Variants in CXCL10 observed in about 807,000 individuals in gnomAD.
The protein encoded by CXCL10 is C-X-C motif chemokine 10.
Under a neutral mutation model 10.8 loss-of-function variants are expected in CXCL10, and 6 were observed. The ratio of observed to expected loss-of-function variants is 0.55; its 90% CI spans 0.30 to 1.09. CXCL10 has a LOEUF of 1.09. CXCL10 is among the 50% of genes least tolerant of loss of function. The pLI is 0.06. For missense variants in CXCL10, 114 were observed against 114.3 expected, an observed-to-expected ratio of 1.00 and a Z score of 0.01; for synonymous variants, 35 against 35.8, an observed-to-expected ratio of 0.98 and a Z score of 0.08.
intron 3 of CXCL10, 30 bp from the exon 4 acceptor site, chr4:76,021,978 GT>G: frequency 6.3e-7 from 1 of 1,591,366 alleles, no homozygotes; most frequent in Non-Finnish European, 8.6e-7. Context: ...ATATAAAAGT[GT>G]GATAGTCTGA....
chr4:76,023,285 A>T, intron 1 of CXCL10, 86 bp downstream of exon 1: 1 of 1,076,336 alleles, frequency 9.3e-7, no homozygotes, highest in Non-Finnish European at 1.4e-6. Context: ...TGAAACTTTT[A>T]CAAATACATT....
intron 3 of CXCL10, 99 bp from the exon 4 acceptor site, chr4:76,022,047 G>T: frequency 8.8e-7 from 1 of 1,131,940 alleles, no homozygotes; most frequent in South Asian, 1.2e-5. Context: ...ATAGATAACT[G>T]AGCTTTCCTG....
chr4:76,022,611 CT>C (rs11298565), intron 2 of CXCL10, 79 bp downstream of exon 2: 826,411 of 1,489,768 alleles, frequency 0.55, 237,763 homozygotes, highest in East Asian at 0.93. Context: ...CTTTACTGAT[CT>C]TTTTTTATTA....
chr4:76,021,887 T>A lies in CXCL10; in HGVS notation c.*43A>T, dbSNP rs751103662. On this transcript the variant is annotated 3_prime_UTR_variant, in exon 4 of 4. Coordinates refer to ENST00000306602, the MANE Select transcript of CXCL10 (RefSeq NM_001565.4). ...GATGGGAGAGGCAGCCTCTGTGTGG[T>A]CCATCCTTGGAAGCACTGCATCGAT... is the stretch of plus-strand genomic sequence containing the variant. 33 of 1,585,972 alleles carry A rather than the reference T, an allele frequency of 2.1e-5. No individual in the cohort carries two copies. Among genetic ancestry groups the A allele is most frequent in the Non-Finnish European group, 2.6e-6 (3 of 1,154,628 alleles).
chr4:76,021,857 G>A lies in CXCL10; in HGVS notation c.*73C>T. 1.5e-6 allele frequency: 2 copies of A among 1,355,946 alleles called. No individual in the cohort carries two copies. The highest frequency in any genetic ancestry group is 3.4e-5 in the Admixed American group (2 of 59,596). 84.0% of individuals were successfully genotyped at this position (1,355,946 alleles called of 1,614,324 possible). ...TGGCTTGACATATACTCCATGTAGG[G>A]AAGTGATGGGAGAGGCAGCCTCTGT... On this transcript the variant is annotated 3_prime_UTR_variant, in exon 4 of 4. Coordinates refer to ENST00000306602, the MANE Select transcript of CXCL10 (RefSeq NM_001565.4).
At chr4:76,022,527 C>T in intron 2 of CXCL10, 72 bp from the exon 3 acceptor site, 1 of 1,507,628 alleles carries the variant, frequency 6.6e-7, no homozygotes. Flanking sequence ...ATACGCAGTT[C>T]TGAAGTCAGA....
chr4:76,023,036 T>G (rs1437916901), intron 1 of CXCL10, among the ~76,000 whole-genome samples: 3 of 152,194 alleles, frequency 2.0e-5, no homozygotes, highest in Non-Finnish European at 2.9e-5. Context: ...AGTCAAACCC[T>G]TAAGCACAGT....
In CXCL10 at chr4:76,023,354, C is replaced by T; in HGVS notation, c.61+17G>A. 9 of 1,588,262 alleles carry T rather than the reference C, an allele frequency of 5.7e-6. No individual in the cohort carries two copies. Among genetic ancestry groups the T allele is most frequent in the Non-Finnish European group, 7.8e-6 (9 of 1,156,550 alleles). ...ATTTCTCATTTTACAAATTAAGTATCCTTTGATGTTCCTTACCTTGAATGC... is the reference window on the plus strand; with the variant it reads ...ATTTCTCATTTTACAAATTAAGTATTCTTTGATGTTCCTTACCTTGAATGC... On this transcript the variant is annotated intron_variant, in intron 1 of 3. Coordinates refer to ENST00000306602, the MANE Select transcript of CXCL10 (RefSeq NM_001565.4).
intron 3 of CXCL10, 27 bp downstream of exon 3, chr4:76,022,339 T>G (rs1560577384): frequency 6.3e-7 from 1 of 1,588,694 alleles, no homozygotes; most frequent in Non-Finnish European, 8.6e-7. Context: ...TAAAGAGCAA[T>G]TCTTCTGCAG....
chr4:76,021,811 A>T lies in CXCL10; in HGVS notation c.*119T>A. The T allele has an allele frequency of 1.0e-6, 1 of 988,502 alleles. No homozygotes were observed. The highest frequency in any genetic ancestry group is 1.6e-6 in the Non-Finnish European group (1 of 620,848). 61.2% of individuals were successfully genotyped at this position (988,502 alleles called of 1,614,324 possible). A position where few individuals can be genotyped will look rare whatever the true frequency, so the allele number is the denominator to read the frequency against. ...CCATCATTGGTCACCTTTTAGTGTA[A>T]CTGCAAACTAAGAACAATTATGGCT... On this transcript the variant is annotated 3_prime_UTR_variant, in exon 4 of 4. Coordinates refer to ENST00000306602, the MANE Select transcript of CXCL10 (RefSeq NM_001565.4).
At chr4:76,022,661 G>T in intron 2 of CXCL10, 30 bp downstream of exon 2, 1 of 1,607,652 alleles carries the variant, frequency 6.2e-7, no homozygotes, top group Non-Finnish European at 8.5e-7. Flanking sequence ...TACAACCAGG[G>T]AAGTGATAAT....
At chr4:76,022,543 A>G (rs1445809599) in intron 2 of CXCL10, 88 bp from the exon 3 acceptor site, 1 of 1,487,880 alleles carries the variant, frequency 6.7e-7, no homozygotes, top group Non-Finnish European at 9.3e-7. Context: ...TCAGACATTT[A>G]AGTTTCACTC....
At chr4:76,022,868 G>T in intron 1 of CXCL10, 51 bp from the exon 2 acceptor site, 1 of 1,572,296 alleles carries the variant, frequency 6.4e-7, no homozygotes, top group Non-Finnish European at 8.6e-7. Context: ...TTCATTTTAG[G>T]CATTTAATGT....
intron 1 of CXCL10, 55 bp from the exon 2 acceptor site, chr4:76,022,872 T>C: frequency 6.4e-7 from 1 of 1,566,368 alleles, no homozygotes; most frequent in African/African-American, 1.4e-5. Context: ...TTTTAGGCAT[T>C]TAATGTAGAC....
intron 3 of CXCL10, 86 bp from the exon 4 acceptor site, chr4:76,022,034 A>G: frequency 8.0e-7 from 1 of 1,248,804 alleles, no homozygotes; most frequent in Non-Finnish European, 1.2e-6. Context: ...CCGAGTTCAT[A>G]GAATAGATAA....
At chr4:76,022,910 C>A in intron 1 of CXCL10, 93 bp from the exon 2 acceptor site, 1 of 1,295,626 alleles carries the variant, frequency 7.7e-7, no homozygotes, top group Non-Finnish European at 1.1e-6. Flanking sequence ...ACCTATATCC[C>A]CATATCAGCA....
rs1348351557 is a variant in CXCL10 at position 76,021,937 on chromosome 4, G to T, written c.290C>A (p.Ser97Tyr). ...TTTTGCTCCCCTCTGGTTTTAAGGA[G>T]ATCTTTTAGACCTGTAAGAAGAGAA... ...KAVSKERSKR[S>Y]P Residue 97 changes from serine to tyrosine, a missense_variant, in exon 4 of 4, where the codon TCT becomes TAT. Transcript: ENST00000306602. The T allele has an allele frequency of 8.7e-6, 14 of 1,611,480 alleles. No individual in the cohort carries two copies. Among genetic ancestry groups the T allele is most frequent in the Admixed American group, 1.7e-5 (1 of 59,994 alleles).
intron 1 of CXCL10, 44 bp from the exon 2 acceptor site, chr4:76,022,861 A>C (rs1242809661): frequency 6.3e-7 from 1 of 1,577,378 alleles, no homozygotes; most frequent in South Asian, 1.2e-5. Context: ...CACAGTGTTC[A>C]TTTTAGGCAT....
At position 76,022,796 on chromosome 4, in the gene CXCL10, A is replaced by G. The variant is rs762956789; in HGVS notation, c.83T>C (p.Val28Ala). Residue 28 changes from valine to alanine, a missense_variant, in exon 2 of 4, where the codon GTA becomes GCA. Transcript: ENST00000306602. ...ACTAATGCTGATGCAGGTACAGCGT[A>G]CAGTTCTAGAGAGAGGTACTCCTGT... The part of the protein sequence containing the change: ...GIQGVPLSRT[V>A]RCTCISISNQ... 1.7e-5 allele frequency: 28 copies of G among 1,611,438 alleles called. No individual in the cohort carries two copies. Among genetic ancestry groups the G allele is most frequent in the Non-Finnish European group, 2.4e-5 (28 of 1,179,790 alleles).
Sources: gnomAD v4.1 joint callset for allele counts (sites outside exome capture counted in the v4.1 genomes callset) on GRCh38, gnomAD v4.1.1 for gene constraint, MANE v1.5 for transcripts, NCBI Gene and HGNC (gene_info 2026-07-23, HGNC 2026-07-21) for gene names.